RFC1: variants seen among roughly 807,000 people sequenced by gnomAD.
RFC1 encodes the protein A1 140 kDa subunit.
Under a neutral mutation model 137.4 loss-of-function variants are expected in RFC1, and 37 were observed. That is an observed-to-expected ratio of 0.27 (90% confidence interval 0.21 to 0.35). The LOEUF is 0.35. RFC1 is among the 10% of genes least tolerant of loss of function. The pLI is 1.00. For missense variants in RFC1, 1,205 were observed against 1,358.5 expected, an observed-to-expected ratio of 0.89 and a Z score of 1.78; for synonymous variants, 429 against 455.7, an observed-to-expected ratio of 0.94 and a Z score of 0.75.
intron 21 of RFC1, among the ~76,000 whole-genome samples, chr4:39,298,307 C>A (rs1198411603): frequency 1.2e-3 from 138 of 111,192 alleles, no homozygotes; most frequent in South Asian, 1.8e-3. Flanking sequence ...GACCTTGTCT[C>A]AAAAAAAAAA....
chr4:39,343,300 G>A (rs1447100490), intron 3 of RFC1, among the ~76,000 whole-genome samples: 1 of 152,202 alleles, frequency 6.6e-6, no homozygotes, highest in African/African-American at 2.4e-5. Flanking sequence ...TGGGATTACA[G>A]GCAAGAGCCA....
intron 7 of RFC1, 51 bp from the exon 8 acceptor site, chr4:39,321,425 A>C (rs1175632654): frequency 2.6e-6 from 4 of 1,533,482 alleles, no homozygotes; most frequent in Non-Finnish European, 2.7e-6. Flanking sequence ...AAAAACTATT[A>C]CCATAAAATC....
In RFC1 at chr4:39,326,060, C is replaced by T. The variant is rs151319818; in HGVS notation, c.642+503G>A. On this transcript the variant is annotated intron_variant, in intron 6 of 24. Coordinates refer to ENST00000349703, the MANE Select transcript of RFC1 (RefSeq NM_002913.5). The stretch of plus-strand genomic sequence containing the variant: ...ACTAAAAATACATAAATTAGCCAGG[C>T]GTAGTGGTGGGCGCCTGTAGTCTCA... 1.8e-4 allele frequency among the ~76,000 whole-genome samples: 27 copies of T among 152,052 alleles called. 1 individual carries two copies. The East Asian group carries it at 4.5e-3, about 25-fold the overall frequency.
At chr4:39,307,812 T>C (rs1168483746) in intron 13 of RFC1, among the ~76,000 whole-genome samples, 2 of 152,084 alleles carry the variant, frequency 1.3e-5, no homozygotes, top group African/African-American at 4.8e-5. Flanking sequence ...AGTTTCAGAA[T>C]GAAAAAAGTG....
chr4:39,313,315 C>A (rs1296190221), intron 10 of RFC1, among the ~76,000 whole-genome samples: 2 of 152,206 alleles, frequency 1.3e-5, no homozygotes, highest in Non-Finnish European at 2.9e-5. Flanking sequence ...ATTCAGGAAA[C>A]TGCTTGTTCT....
intron 1 of RFC1, among the ~76,000 whole-genome samples, chr4:39,354,996 C>T (rs1741391023): frequency 6.6e-6 from 1 of 150,808 alleles, no homozygotes; most frequent in Admixed American, 6.6e-5. Context: ...GCACAAGAAT[C>T]GCTTGAACCT....
At chr4:39,352,029 G>A (rs1741233801) in intron 1 of RFC1, among the ~76,000 whole-genome samples, 1 of 151,560 alleles carries the variant, frequency 6.6e-6, no homozygotes, top group Non-Finnish European at 1.5e-5. Context: ...TCAGAATCAG[G>A]CCAAAAACAG....
Position 39,324,240 on chromosome 4 carries a change from G to A in RFC1, c.643-823C>T, listed in dbSNP as rs183829817. On this transcript the variant is annotated intron_variant, in intron 6 of 24. Transcript: ENST00000349703. Reference sequence around the variant, plus strand: ...CTTTTAAAAGTGAAGTGAAAAAAAAGGGAGGAAAAACTCTTACAGGGATAA... The same window carrying A: ...CTTTTAAAAGTGAAGTGAAAAAAAAAGGAGGAAAAACTCTTACAGGGATAA... Among the ~76,000 whole-genome samples the A allele has an allele frequency of 2.6e-4, 39 of 152,196 alleles. No homozygotes were observed. The East Asian group carries it at 7.5e-3, about 29-fold the overall frequency.
At chr4:39,326,239 G>A (rs1038589236) in intron 6 of RFC1, among the ~76,000 whole-genome samples, 1 of 152,130 alleles carries the variant, frequency 6.6e-6, no homozygotes, top group East Asian at 1.9e-4. Flanking sequence ...TTCCCATTTG[G>A]AAGAAACTAA....
Position 39,351,337 on chromosome 4 carries a change from A to G in RFC1, c.132+11T>C. ...TTTCATTCAATGCAAAATTATACCC[A>G]GAAAACTAACCTTGATTTCCTTTAT... On this transcript the variant is annotated intron_variant, in intron 2 of 24. Coordinates refer to ENST00000349703, the MANE Select transcript of RFC1 (RefSeq NM_002913.5). 2 of 1,519,700 alleles carry G rather than the reference A, an allele frequency of 1.3e-6. No homozygotes were observed. Among genetic ancestry groups the G allele is most frequent in the East Asian group, 2.5e-5 (1 of 39,440 alleles). 94.1% of individuals were successfully genotyped at this position (1,519,700 alleles called of 1,614,324 possible).
At position 39,311,489 on chromosome 4, in the gene RFC1, T is replaced by C; in HGVS notation, c.1444A>G (p.Met482Val). The change falls in exon 12 of 25, where the codon ATG (methionine) becomes GTG (valine). Residue 482 changes from methionine (M) to valine (V), a missense_variant. Physicochemically the swap from Met to Val is conservative, Grantham distance 21. Coordinates refer to ENST00000349703, the MANE Select transcript of RFC1 (RefSeq NM_002913.5). The stretch of plus-strand genomic sequence containing the variant: ...TCATACTTGGATTTCTTGCCTGGCA[T>C]AGTCCGAATCAGATTCAACAGGCCA... ...EDGLLNLIRT[M>V]PGKKSKYEIA... The C allele has an allele frequency of 6.2e-7, 1 of 1,614,146 alleles. No individual in the cohort carries two copies. The highest frequency in any genetic ancestry group is 8.5e-7 in the Non-Finnish European group (1 of 1,180,004).
chr4:39,340,095 C>T lies in RFC1; in HGVS notation c.331+2250G>A, dbSNP rs546629281. 1.6e-3 allele frequency among the ~76,000 whole-genome samples: 251 copies of T among 152,252 alleles called. 1 individual carries two copies. The highest frequency in any genetic ancestry group is 5.8e-3 in the African/African-American group (239 of 41,542). On this transcript the variant is annotated intron_variant, in intron 4 of 24. Coordinates refer to ENST00000349703, the MANE Select transcript of RFC1 (RefSeq NM_002913.5). ...CAAAGGCTGCTGATGCAGGTACTAG[C>T]GATGTCTCCATTTTACATATAAGTA...
At chr4:39,364,206 CTG>C (rs1741906613) in intron 1 of RFC1, among the ~76,000 whole-genome samples, 1 of 148,494 alleles carries the variant, frequency 6.7e-6, no homozygotes, top group South Asian at 2.1e-4. Flanking sequence ...TCAAAGGAAA[CTG>C]TAACTGAAAC....
At chr4:39,293,129 G>A (rs1317725254) in intron 22 of RFC1, among the ~76,000 whole-genome samples, 2 of 152,078 alleles carry the variant, frequency 1.3e-5, no homozygotes, top group African/African-American at 2.4e-5. Context: ...CTATTACCTA[G>A]ACAAAGAGTT....
Position 39,351,459 on chromosome 4 carries a change from A to G in RFC1, c.21T>C (p.Phe7=). MDIRKF[F]GVIPSGKKLV... is the part of the protein sequence containing the mutation. ...GTTTCTTTCCACTTGGTATTACTCC[A>G]AAGAATTTCCGAATGTCCTAAAAGC... Residue 7 remains phenylalanine, a synonymous_variant, in exon 2 of 25, where the codon TTT becomes TTC. Transcript: ENST00000349703. 2 of 1,560,944 alleles carry G rather than the reference A, an allele frequency of 1.3e-6. No homozygotes were observed. The highest frequency in any genetic ancestry group is 1.7e-6 in the Non-Finnish European group (2 of 1,157,606).
chr4:39,300,235 C>A lies in RFC1; in HGVS notation c.2690+25G>T, dbSNP rs779268994. ...TTCGCAGTGCTGGATACTAAGCACA[C>A]CTCTCACCAGCTCTGGACACTCACC... On this transcript the variant is annotated intron_variant, in intron 20 of 24. Transcript: ENST00000349703. The A allele has an allele frequency of 1.9e-6, 3 of 1,613,706 alleles. No individual in the cohort carries two copies. In the African/African-American group the frequency reaches 4.0e-5, roughly 22 times the overall value.
intron 1 of RFC1, among the ~76,000 whole-genome samples, chr4:39,353,227 C>A (rs1741295910): frequency 6.6e-6 from 1 of 151,746 alleles, no homozygotes; most frequent in East Asian, 1.9e-4. Flanking sequence ...ATGGTGAAAT[C>A]CCATTTCTAC....
At chr4:39,363,387 G>A (rs1393560206) in intron 1 of RFC1, among the ~76,000 whole-genome samples, 1 of 152,124 alleles carries the variant, frequency 6.6e-6, no homozygotes, top group Non-Finnish European at 1.5e-5. Context: ...TTATCAGTTG[G>A]TTCCTTCTGT....
At chr4:39,345,565 G>C (rs1366155906) in intron 2 of RFC1, 89 bp from the exon 3 acceptor site, 4 of 1,062,270 alleles carry the variant, frequency 3.8e-6, no homozygotes, top group Non-Finnish European at 4.1e-6. Flanking sequence ...CTGTCATCCA[G>C]GCTGGAGCGC....
Sources: gnomAD v4.1 joint callset for allele counts (sites outside exome capture counted in the v4.1 genomes callset) on GRCh38, gnomAD v4.1.1 for gene constraint, MANE v1.5 for transcripts, NCBI Gene and HGNC (gene_info 2026-07-23, HGNC 2026-07-21) for gene names.